The following CTNNA2 variants were observed in gnomAD, a reference collection of about 807,000 sequenced individuals.
The protein encoded by CTNNA2 is catenin alpha 2.
A neutral mutation model predicts 101.0 loss-of-function variants in CTNNA2; 42 were observed. The ratio of observed to expected loss-of-function variants is 0.42; its 90% CI spans 0.32 to 0.54. CTNNA2 has a LOEUF of 0.54. CTNNA2 is among the 20% of genes least tolerant of loss of function. The pLI is 0.14. For synonymous variants in CTNNA2, 450 were observed against 456.4 expected (o/e 0.99, Z 0.18); for missense variants, 871 against 1,223.1 (o/e 0.71, Z 4.29).
chr2:80,610,781 T>C (rs191213865), intron 17 of CTNNA2, among the ~76,000 whole-genome samples: 2 of 151,862 alleles, frequency 1.3e-5, no homozygotes, highest in Admixed American at 1.3e-4. Flanking sequence ...TTTATGTGAT[T>C]CTATGTATAC....
chr2:79,433,553 C>A (rs1678678660), intron 4 of CTNNA2, among the ~76,000 whole-genome samples: 2 of 139,908 alleles, frequency 1.4e-5, no homozygotes, highest in Admixed American at 1.6e-4. Context: ...AATTTGTATT[C>A]TTGTGGCTTG....
At chr2:79,516,875 T>C (rs1671835811) in intron 1 of CTNNA2, among the ~76,000 whole-genome samples, 1 of 152,236 alleles carries the variant, frequency 6.6e-6, no homozygotes, top group Non-Finnish European at 1.5e-5. Flanking sequence ...GGACTATATC[T>C]CGTTGTATAA....
At chr2:79,687,749 C>G in intron 2 of CTNNA2, 1 of 487,166 alleles carries the variant, frequency 2.1e-6, no homozygotes, top group Non-Finnish European at 3.6e-6. Flanking sequence ...TAAGATATCC[C>G]AAAATGCTGA....
intron 4 of CTNNA2, among the ~76,000 whole-genome samples, chr2:79,389,279 A>T (rs1017984499): frequency 1.3e-5 from 2 of 152,210 alleles, no homozygotes; most frequent in South Asian, 2.1e-4. Context: ...TAAAATAAAC[A>T]GAAAAATAAC....
intron 3 of CTNNA2, among the ~76,000 whole-genome samples, chr2:79,772,935 AGTT>A (rs1410600420): frequency 6.6e-6 from 1 of 152,236 alleles, no homozygotes; most frequent in African/African-American, 2.4e-5. Flanking sequence ...TAGCATTTTC[AGTT>A]GTTCTATCAA....
intron 7 of CTNNA2, among the ~76,000 whole-genome samples, chr2:80,251,129 C>T (rs748928692): frequency 8.5e-5 from 13 of 152,214 alleles, no homozygotes; most frequent in African/African-American, 1.4e-4. Flanking sequence ...TCTTCCCACA[C>T]GTTTATGGAC....
chr2:80,489,350 G>A (rs1190604166), intron 9 of CTNNA2, among the ~76,000 whole-genome samples: 2 of 152,034 alleles, frequency 1.3e-5, no homozygotes, highest in Non-Finnish European at 2.9e-5. Context: ...TTAATGATTG[G>A]CAATCAAAAA....
At chr2:79,950,854 T>C (rs1476487629) in intron 7 of CTNNA2, among the ~76,000 whole-genome samples, 1 of 152,186 alleles carries the variant, frequency 6.6e-6, no homozygotes, top group African/African-American at 2.4e-5. Flanking sequence ...TTACCCACCA[T>C]ACACAGGTGT....
intron 3 of CTNNA2, among the ~76,000 whole-genome samples, chr2:79,774,593 C>T (rs1393998485): frequency 1.3e-5 from 2 of 152,026 alleles, no homozygotes; most frequent in Non-Finnish European, 2.9e-5. Flanking sequence ...ATTAAAGGCA[C>T]CATAGTTAAC....
At chr2:80,164,692 C>G (rs1332118767) in intron 7 of CTNNA2, among the ~76,000 whole-genome samples, 2 of 150,884 alleles carry the variant, frequency 1.3e-5, no homozygotes, top group African/African-American at 4.9e-5. Context: ...CCTTTCTTTC[C>G]TTTCCTTTTG....
chr2:79,851,699 TC>T (rs11301809), intron 3 of CTNNA2, among the ~76,000 whole-genome samples: 84,852 of 147,426 alleles, frequency 0.58, 24,801 homozygotes, highest in East Asian at 0.73. Context: ...CTTTTTCTCA[TC>T]CTTTTTTTTC....
intron 3 of CTNNA2, among the ~76,000 whole-genome samples, chr2:79,782,068 AAAT>A (rs1248183143): frequency 6.6e-6 from 1 of 152,200 alleles, no homozygotes; most frequent in Admixed American, 6.5e-5. Flanking sequence ...GCTTGAAGTG[AAAT>A]AATATTTTCT....
At chr2:80,517,556 T>TA (rs1689198193) in intron 9 of CTNNA2, among the ~76,000 whole-genome samples, 1 of 152,218 alleles carries the variant, frequency 6.6e-6, no homozygotes, top group Non-Finnish European at 1.5e-5. Context: ...CAGGACCACT[T>TA]ACAGGCGTCT....
At chr2:79,816,996 CT>C (rs893307417) in intron 3 of CTNNA2, among the ~76,000 whole-genome samples, 27 of 150,498 alleles carry the variant, frequency 1.8e-4, no homozygotes, top group South Asian at 4.3e-4. Context: ...CATTTTGTTT[CT>C]TTTTTTTTAT....
At chr2:79,187,523 A>C (rs1327084012) in intron 1 of CTNNA2, among the ~76,000 whole-genome samples, 1 of 152,084 alleles carries the variant, frequency 6.6e-6, no homozygotes, top group African/African-American at 2.4e-5. Flanking sequence ...GCTATGACCC[A>C]ATAATCATTG....
chr2:80,547,474 GA>G (rs1219158017), intron 11 of CTNNA2, among the ~76,000 whole-genome samples: 1 of 152,082 alleles, frequency 6.6e-6, no homozygotes, highest in East Asian at 1.9e-4. Flanking sequence ...TGTCAAGATA[GA>G]AAGGAAATTT....
At chr2:80,256,347 G>T (rs1485434435) in intron 7 of CTNNA2, among the ~76,000 whole-genome samples, 1 of 152,120 alleles carries the variant, frequency 6.6e-6, no homozygotes, top group African/African-American at 2.4e-5. Flanking sequence ...ACTCACTGAT[G>T]GGTGTGTTAG....
chr2:80,253,900 A>C (rs1316967522), intron 7 of CTNNA2, among the ~76,000 whole-genome samples: 1 of 152,196 alleles, frequency 6.6e-6, no homozygotes, highest in Non-Finnish European at 1.5e-5. Flanking sequence ...TTATCAGAGA[A>C]TGTATATTCT....
At chr2:79,928,791 T>C (rs544559987) in intron 7 of CTNNA2, among the ~76,000 whole-genome samples, 1 of 152,312 alleles carries the variant, frequency 6.6e-6, no homozygotes, top group Admixed American at 6.5e-5. Flanking sequence ...AATGTACTTC[T>C]TCCTTTGATA....
Sources: allele counts gnomAD v4.1 joint callset (sites outside exome capture counted in the v4.1 genomes callset), GRCh38; gene constraint gnomAD v4.1.1; transcripts MANE v1.5; gene names NCBI Gene and HGNC (gene_info 2026-07-23, HGNC 2026-07-21).